Variants in CFAP73 observed in about 807,000 individuals in gnomAD.
The protein encoded by CFAP73 is cilia and flagella associated protein 73, also known as cilia- and flagella-associated protein 73.
Under a neutral mutation model 42.9 loss-of-function variants are expected in CFAP73, and 33 were observed. The observed-to-expected ratio is 0.77, with a 90% CI of 0.58 to 1.03. CFAP73 has a LOEUF of 1.03. Among genes scored for constraint, CFAP73 ranks in the 50% least tolerant of loss-of-function variants. The pLI is 0.00. For synonymous variants in CFAP73, 162 were observed against 186.8 expected (o/e 0.87, Z 1.08); for missense variants, 392 against 411.9 (o/e 0.95, Z 0.42).
chr12:113,150,330 G>A (rs1030235788), intron 1 of CFAP73, among the ~76,000 whole-genome samples: 60 of 152,166 alleles, frequency 3.9e-4, no homozygotes, highest in African/African-American at 1.4e-3. Context: ...TTTTCTTCTG[G>A]ACCACGGCTG....
chr12:113,154,577 A>G lies in CFAP73; in HGVS notation c.632A>G (p.Gln211Arg). ...AWPDEVLAQGQRRAQLQERLE... is the reference protein window; with the variant it reads ...AWPDEVLAQGRRRAQLQERLE... Reference sequence around the variant, plus strand: ...CCGGACGAGGTGCTCGCACAGGGCCAGCGGCGGGCACAGCTGCAGGAGCGC... The same window carrying G: ...CCGGACGAGGTGCTCGCACAGGGCCGGCGGCGGGCACAGCTGCAGGAGCGC... Residue 211 changes from glutamine to arginine, a missense_variant, in exon 5 of 8, where the codon CAG (glutamine) becomes CGG (arginine). Physicochemically the swap from Gln to Arg is conservative, Grantham distance 43. Transcript: ENST00000335621. The surrounding 1 kb of genome is among the most constrained non-coding windows in gnomAD (Gnocchi z 4.7). 1.4e-6 allele frequency: 2 copies of G among 1,433,688 alleles called. No individual in the cohort carries two copies. The highest frequency in any genetic ancestry group is 1.8e-6 in the Non-Finnish European group (2 of 1,105,384). 88.8% of individuals were successfully genotyped at this position (1,433,688 alleles called of 1,614,324 possible).
Position 113,157,495 on chromosome 12 carries a change from G to A in CFAP73, c.850-107G>A, listed in dbSNP as rs1952142930. ...CATCATCACTGTTCTTTTAATGAGG[G>A]GATCTCCAGTCCCCGCCCTACCTTT... On this transcript the variant is annotated intron_variant, in intron 6 of 7. Coordinates refer to ENST00000335621, the MANE Select transcript of CFAP73 (RefSeq NM_001144872.3). 3.7e-6 allele frequency: 3 copies of A among 812,784 alleles called. No homozygotes were observed. The East Asian group carries it at 8.0e-5, about 22-fold the overall frequency. The allele number at this position is 812,784 out of a possible 1,614,324, so 50.3% of individuals were successfully genotyped here.
chr12:113,149,964 G>A (rs1470693586), intron 1 of CFAP73, 51 bp downstream of exon 1: 1 of 1,524,824 alleles, frequency 6.6e-7, no homozygotes, highest in East Asian at 2.5e-5. Context: ...GGGAATGCGT[G>A]GGCTGGCCCA....
chr12:113,157,584 C>A lies in CFAP73; in HGVS notation c.850-18C>A. ...TGACTCTGGGGCTGGGATGTGACTT[C>A]GTGCTGGGCCCCCCCAGGTGAAGCT... On this transcript the variant is annotated intron_variant, in intron 6 of 7. Coordinates refer to ENST00000335621, the MANE Select transcript of CFAP73 (RefSeq NM_001144872.3). 6.4e-7 allele frequency: 1 copy of A among 1,550,842 alleles called. No homozygotes were observed. Among genetic ancestry groups the A allele is most frequent in the African/African-American group, 1.4e-5 (1 of 73,176 alleles).
At position 113,158,027 on chromosome 12, in the gene CFAP73, G is replaced by C; in HGVS notation, c.*11+337G>C. The C allele has an allele frequency of 7.4e-6, 2 of 271,120 alleles. No homozygotes were observed. Among genetic ancestry groups the C allele is most frequent in the South Asian group, 1.3e-4 (2 of 15,094 alleles). 16.8% of individuals were successfully genotyped at this position (271,120 alleles called of 1,614,324 possible). The stretch of plus-strand genomic sequence containing the variant: ...TCAGAACAGGGTCCATGCTAGATGA[G>C]AGATCACCAAGGCCCCCTCCACTAT... On this transcript the variant is annotated intron_variant, in intron 7 of 7. Coordinates refer to ENST00000335621, the MANE Select transcript of CFAP73 (RefSeq NM_001144872.3). The surrounding 1 kb of genome is among the most constrained non-coding windows in gnomAD (Gnocchi z 4.9).
At chr12:113,153,656 G>C (rs1305863067) in intron 4 of CFAP73, among the ~76,000 whole-genome samples, 2 of 152,152 alleles carry the variant, frequency 1.3e-5, no homozygotes, top group Non-Finnish European at 2.9e-5. Context: ...GCATTGGCGC[G>C]ATCACGGCTC....
Position 113,158,309 on chromosome 12 carries a change from G to T in CFAP73, c.*12-392G>T, listed in dbSNP as rs1952160513. 6.5e-6 allele frequency: 1 copy of T among 153,266 alleles called. No individual in the cohort carries two copies. The highest frequency in any genetic ancestry group is 1.5e-5 in the Non-Finnish European group (1 of 68,806). The allele number at this position is 153,266 out of a possible 1,614,324, so 9.5% of individuals were successfully genotyped here. ...CAACCATGTCCAGTGGGAGGAAGGG[G>T]GACCAACTCCCGCCTCTGGCACCTG... On this transcript the variant is annotated intron_variant, in intron 7 of 7. Transcript: ENST00000335621. This position sits in a 1 kb window ranked among gnomAD's most constrained non-coding sequence, Gnocchi z 4.9.
At chr12:113,157,289 C>T (rs1468087272) in intron 6 of CFAP73, 1 of 391,840 alleles carries the variant, frequency 2.6e-6, no homozygotes, top group African/African-American at 2.0e-5. Context: ...ATGAATATGA[C>T]TGATCCAGTT....
In CFAP73 at chr12:113,154,720, G is replaced by T. The variant is rs368029965; in HGVS notation, c.690+85G>T. On this transcript the variant is annotated intron_variant, in intron 5 of 7. Coordinates refer to ENST00000335621, the MANE Select transcript of CFAP73 (RefSeq NM_001144872.3). The surrounding 1 kb of genome is among the most constrained non-coding windows in gnomAD (Gnocchi z 4.7). ...AGGAACGCCAGGGCTGATGAGGACC[G>T]ATGGGGCAATGCTTACCCCAGAGGG... 1 of 1,368,136 alleles carries T rather than the reference G, an allele frequency of 7.3e-7. No individual in the cohort carries two copies. The allele number at this position is 1,368,136 out of a possible 1,614,324, so 84.7% of individuals were successfully genotyped here.
At chr12:113,155,649 C>T (rs182239032) in intron 6 of CFAP73, among the ~76,000 whole-genome samples, 9 of 152,166 alleles carry the variant, frequency 5.9e-5, no homozygotes, top group East Asian at 5.8e-4. Context: ...CCCCTCTCTG[C>T]GACAAAGCTA....
In CFAP73 at chr12:113,157,472, T is replaced by C. The variant is rs1356949352; in HGVS notation, c.850-130T>C. ...CAGTCACCACCTCTGGGAACCACCA[T>C]CATCACTGTTCTTTTAATGAGGGGA... On this transcript the variant is annotated intron_variant, in intron 6 of 7. Coordinates refer to ENST00000335621, the MANE Select transcript of CFAP73 (RefSeq NM_001144872.3). 6.9e-6 allele frequency: 5 copies of C among 726,190 alleles called. No individual in the cohort carries two copies. In the African/African-American group the frequency reaches 7.0e-5, roughly 10 times the overall value. The allele number at this position is 726,190 out of a possible 1,614,324, so 45.0% of individuals were successfully genotyped here. A position where few individuals can be genotyped will look rare whatever the true frequency, so the allele number is the denominator to read the frequency against.
chr12:113,153,235 C>T lies in CFAP73; in HGVS notation c.295C>T (p.Leu99=). Residue 99 remains leucine (L), a synonymous_variant, in exon 4 of 8, where the codon CTG becomes TTG. Coordinates refer to ENST00000335621, the MANE Select transcript of CFAP73 (RefSeq NM_001144872.3). ...CTCCGAGGCCCGGCGCAATCGCGCG[C>T]TGCGGAGGGCGGCGGAGGAGAGGCA... ...QDSEARRNRA[L]RRAAEERHQA... The T allele has an allele frequency of 6.6e-7, 1 of 1,520,510 alleles. No individual in the cohort carries two copies. The highest frequency in any genetic ancestry group is 8.8e-7 in the Non-Finnish European group (1 of 1,140,252). The allele number at this position is 1,520,510 out of a possible 1,614,324, so 94.2% of individuals were successfully genotyped here.
At chr12:113,157,956 C>A (rs1952154144) in intron 7 of CFAP73, 8 of 490,018 alleles carry the variant, frequency 1.6e-5, no homozygotes, top group Non-Finnish European at 2.9e-5. Flanking sequence ...ACCAGGCCCT[C>A]CCTGCCAGGG....
In CFAP73 at chr12:113,158,096, G is replaced by A; in HGVS notation, c.*11+406G>A. 5.2e-6 allele frequency: 1 copy of A among 191,350 alleles called. No homozygotes were observed. The highest frequency in any genetic ancestry group is 1.2e-4 in the South Asian group (1 of 8,224). The allele number at this position is 191,350 out of a possible 1,614,324, so 11.9% of individuals were successfully genotyped here. On this transcript the variant is annotated intron_variant, in intron 7 of 7. Transcript: ENST00000335621. The surrounding 1 kb of genome is among the most constrained non-coding windows in gnomAD (Gnocchi z 4.9). ...GGCCCAGCCTGAGAATCCAGCTGCTGGGGCTGCCCTTGACCTTCTCAGAAC... is the reference window on the plus strand; with the variant it reads ...GGCCCAGCCTGAGAATCCAGCTGCTAGGGCTGCCCTTGACCTTCTCAGAAC...
intron 7 of CFAP73, 48 bp downstream of exon 7, chr12:113,157,738 C>T (rs1952149826): frequency 7.4e-7 from 1 of 1,354,680 alleles, no homozygotes; most frequent in Non-Finnish European, 1.0e-6. Context: ...GATAGGAGGG[C>T]CCACATTTCC....
In CFAP73 at chr12:113,158,098, G is replaced by T; in HGVS notation, c.*11+408G>T. On this transcript the variant is annotated intron_variant, in intron 7 of 7. Transcript: ENST00000335621. This position sits in a 1 kb window ranked among gnomAD's most constrained non-coding sequence, Gnocchi z 4.9. Reference sequence around the variant, plus strand: ...CCCAGCCTGAGAATCCAGCTGCTGGGGCTGCCCTTGACCTTCTCAGAACCT... The same window carrying T: ...CCCAGCCTGAGAATCCAGCTGCTGGTGCTGCCCTTGACCTTCTCAGAACCT... 5.3e-6 allele frequency: 1 copy of T among 190,244 alleles called. No homozygotes were observed. The highest frequency in any genetic ancestry group is 1.1e-5 in the Non-Finnish European group (1 of 90,472). 11.8% of individuals were successfully genotyped at this position (190,244 alleles called of 1,614,324 possible).
At position 113,149,865 on chromosome 12, in the gene CFAP73, T is replaced by C; in HGVS notation, c.8T>C (p.Val3Ala). 6.4e-7 allele frequency: 1 copy of C among 1,551,132 alleles called. No individual in the cohort carries two copies. Residue 3 changes from valine to alanine, a missense_variant, in exon 1 of 8, where the codon GTG becomes GCG. Val to Ala is a moderately conservative substitution (Grantham distance 64). Transcript: ENST00000335621. MA[V>A]PWEEYFRLAL... ...GGGGCAACTGCCAGAAGGATGGCGGTGCCCTGGGAGGAATATTTCCGACTG... is the reference window on the plus strand; with the variant it reads ...GGGGCAACTGCCAGAAGGATGGCGGCGCCCTGGGAGGAATATTTCCGACTG...
In CFAP73 at chr12:113,158,653, G is replaced by C; in HGVS notation, c.*12-48G>C. On this transcript the variant is annotated intron_variant, in intron 7 of 7. Transcript: ENST00000335621. The surrounding 1 kb of genome is among the most constrained non-coding windows in gnomAD (Gnocchi z 4.9). The stretch of plus-strand genomic sequence containing the variant: ...TCTTGGCCTGCCTGGCTTTGCTGGC[G>C]AACTCCTGCACACCCTTCAAGGCCC... 2.0e-6 allele frequency: 1 copy of C among 511,242 alleles called. No homozygotes were observed. 31.7% of individuals were successfully genotyped at this position (511,242 alleles called of 1,614,324 possible). A position where few individuals can be genotyped will look rare whatever the true frequency, so the allele number is the denominator to read the frequency against.
At chr12:113,156,218 C>G (rs887197480) in intron 6 of CFAP73, among the ~76,000 whole-genome samples, 1 of 152,022 alleles carries the variant, frequency 6.6e-6, no homozygotes, top group Non-Finnish European at 1.5e-5. Context: ...CCACACCCAG[C>G]GTGACATAGG....
Sources: allele counts gnomAD v4.1 joint callset (sites outside exome capture counted in the v4.1 genomes callset), GRCh38; gene constraint gnomAD v4.1.1; non-coding constraint Gnocchi (gnomAD v3.1); transcripts MANE v1.5; gene names NCBI Gene and HGNC (gene_info 2026-07-23, HGNC 2026-07-21).